The following TONSL variants were observed in gnomAD, a reference collection of about 807,000 sequenced individuals.
TONSL encodes tonsoku-like protein.
A neutral mutation model predicts 147.1 loss-of-function variants in TONSL; 112 were observed. The ratio of observed to expected loss-of-function variants is 0.76; its 90% CI spans 0.65 to 0.89. The LOEUF is 0.89. Ranked by LOEUF, TONSL falls within the 40% of genes least tolerant of loss-of-function variation. The pLI is 0.00. For synonymous variants in TONSL, 868 were observed against 801.5 expected (o/e 1.08, Z -1.40); for missense variants, 1,883 against 1,864.6 (o/e 1.01, Z -0.18).
intron 25 of TONSL, 135 bp downstream of exon 25, chr8:144,430,269 G>T: frequency 6.3e-6 from 7 of 1,109,206 alleles, no homozygotes; most frequent in Non-Finnish European, 8.6e-6. Flanking sequence ...GCCCCCTGCT[G>T]CCCCAGCCTC....
At position 144,435,485 on chromosome 8, in the gene TONSL, A is replaced by G; in HGVS notation, c.2841T>C (p.Pro947=). The change falls in exon 18 of 26, where the codon CCT becomes CCC. Residue 947 remains proline, a synonymous_variant. Coordinates refer to ENST00000409379, the MANE Select transcript of TONSL (RefSeq NM_013432.5). The stretch of plus-strand genomic sequence containing the variant: ...AGGCGATGCCTCACCTGTGTGGGAC[A>G]GGGATGAGGAAGAGATGATCCTGAA... ...VQVQDHLFLI[P]VPHSSDTHSV... is the part of the protein sequence containing the mutation. The G allele has an allele frequency of 6.5e-7, 1 of 1,548,146 alleles. No homozygotes were observed. The highest frequency in any genetic ancestry group is 1.2e-5 in the South Asian group (1 of 83,740).
In TONSL at chr8:144,441,555, G is replaced by A. The variant is rs550064216; in HGVS notation, c.866-444C>T. 3.0e-5 allele frequency: 6 copies of A among 201,084 alleles called. 1 individual carries two copies. The South Asian group carries it at 4.9e-4, about 17-fold the overall frequency. The allele number at this position is 201,084 out of a possible 1,614,324, so 12.5% of individuals were successfully genotyped here. A position where few individuals can be genotyped will look rare whatever the true frequency, so the allele number is the denominator to read the frequency against. On this transcript the variant is annotated intron_variant, in intron 7 of 25. Coordinates refer to ENST00000409379, the MANE Select transcript of TONSL (RefSeq NM_013432.5). ...TGCAGTGAGCCGAGATCATGCCACT[G>A]CACTCCAGCCTGGGTGACAGAGCGA...
chr8:144,438,524 GC>G lies in TONSL; in HGVS notation c.1599del (p.His534ThrfsTer16), dbSNP rs1489470578. The G allele has an allele frequency of 6.2e-7, 1 of 1,613,158 alleles. No homozygotes were observed. The highest frequency in any genetic ancestry group is 1.1e-5 in the South Asian group (1 of 91,086). On this transcript the variant is annotated frameshift_variant, in exon 13 of 26. Coordinates refer to ENST00000409379, the MANE Select transcript of TONSL (RefSeq NM_013432.5). LOFTEE classifies it high-confidence loss of function. ...NRRNDMGETL[L>X]HRACIEGQLR... is the part of the protein sequence containing the mutation. ...AGCTGGCCCTCGATGCAGGCTCGGT[GC>G]AGCAGGGTCTCCCCCATGTCGTTTC...
At position 144,444,215 on chromosome 8, in the gene TONSL, A is replaced by T. The variant is rs1264921244; in HGVS notation, c.86T>A (p.Leu29Gln). 1 of 1,457,630 alleles carries T rather than the reference A, an allele frequency of 6.9e-7. No homozygotes were observed. Among genetic ancestry groups the T allele is most frequent in the Non-Finnish European group, 9.0e-7 (1 of 1,108,248 alleles). The allele number at this position is 1,457,630 out of a possible 1,614,324, so 90.3% of individuals were successfully genotyped here. Residue 29 changes from leucine (L) to glutamine (Q), a missense_variant, in exon 2 of 26, where the codon CTG (leucine) becomes CAG (glutamine). Transcript: ENST00000409379. Reference sequence around the variant, plus strand: ...CAGGAGCTCCCCCAGCTGGTGGCACAGCGCGGCCTCTTCGCGCCGCTGCCC... The same window carrying T: ...CAGGAGCTCCCCCAGCTGGTGGCACTGCGCGGCCTCTTCGCGCCGCTGCCC... ...RAGQRREEAA[L>Q]CHQLGELLAG...
chr8:144,430,173 A>C (rs536898561), intron 25 of TONSL, among the ~76,000 whole-genome samples: 48 of 152,292 alleles, frequency 3.2e-4, no homozygotes, highest in African/African-American at 1.1e-3. Flanking sequence ...GTTGGGTTGG[A>C]GAGACCAGAG....
At position 144,430,490 on chromosome 8, in the gene TONSL, T is replaced by C; in HGVS notation, c.3857A>G (p.Asn1286Ser). The change falls in exon 25 of 26, where the codon AAC becomes AGC. Residue 1286 changes from asparagine to serine, a missense_variant. Asn to Ser is a conservative substitution (Grantham distance 46, BLOSUM62 1). Transcript: ENST00000409379. Reference protein sequence around the residue: ...PSLISLDLSANPEISCASLEE... With the variant: ...PSLISLDLSASPEISCASLEE... ...CAAGCTGGCACAGCTGATCTCAGGG[T>C]TGGCAGACAGATCCAGTGAGATGAG... The C allele has an allele frequency of 6.2e-7, 1 of 1,613,464 alleles. No individual in the cohort carries two copies. Among genetic ancestry groups the C allele is most frequent in the South Asian group, 1.1e-5 (1 of 90,996 alleles).
rs770974346 is a variant in TONSL, at chr8:144,438,844, G to C, written c.1481-109C>G. ...TCCCAGGTACAAAGGAGCCAGAGACGGGAGGGCTGAGCTCTGAGGCTGCTG... is the reference window on the plus strand; with the variant it reads ...TCCCAGGTACAAAGGAGCCAGAGACCGGAGGGCTGAGCTCTGAGGCTGCTG... On this transcript the variant is annotated intron_variant, in intron 11 of 25. Transcript: ENST00000409379. 3.4e-6 allele frequency: 4 copies of C among 1,185,216 alleles called. No homozygotes were observed. The South Asian group carries it at 3.9e-5, about 12-fold the overall frequency. The allele number at this position is 1,185,216 out of a possible 1,614,324, so 73.4% of individuals were successfully genotyped here. A position where few individuals can be genotyped will look rare whatever the true frequency, so the allele number is the denominator to read the frequency against.
chr8:144,438,420 A>G (rs376183399), intron 13 of TONSL, 51 bp downstream of exon 13: 2 of 1,579,924 alleles, frequency 1.3e-6, no homozygotes, highest in African/African-American at 2.7e-5. Context: ...GCACAAACGC[A>G]CAGCTCCTCC....
chr8:144,437,844 A>C (rs1823534734), intron 13 of TONSL: 1 of 155,270 alleles, frequency 6.4e-6, no homozygotes, highest in Non-Finnish European at 1.4e-5. Flanking sequence ...GACCTCAGGC[A>C]ATCCGCCCGC....
chr8:144,431,254 G>C lies in TONSL; in HGVS notation c.3736-103C>G. Reference sequence around the variant, plus strand: ...ACCCAGGGGCCCAGAAGGGAGCAGAGTCCCCCATCAAGTTGGAGATCGGAA... The same window carrying C: ...ACCCAGGGGCCCAGAAGGGAGCAGACTCCCCCATCAAGTTGGAGATCGGAA... On this transcript the variant is annotated intron_variant, in intron 23 of 25. Coordinates refer to ENST00000409379, the MANE Select transcript of TONSL (RefSeq NM_013432.5). 3 of 1,064,478 alleles carry C rather than the reference G, an allele frequency of 2.8e-6. No individual in the cohort carries two copies. In the South Asian group the frequency reaches 3.9e-5, roughly 14 times the overall value. 65.9% of individuals were successfully genotyped at this position (1,064,478 alleles called of 1,614,324 possible).
rs561555537 is a variant in TONSL at position 144,431,545 on chromosome 8, C to T, written c.3736-394G>A. Among the ~76,000 whole-genome samples, 93 of 151,852 alleles carry T rather than the reference C, an allele frequency of 6.1e-4. 3 individuals are homozygous for T. The highest frequency in any genetic ancestry group is 2.2e-3 in the African/African-American group (92 of 41,420). On this transcript the variant is annotated intron_variant, in intron 23 of 25. Coordinates refer to ENST00000409379, the MANE Select transcript of TONSL (RefSeq NM_013432.5). The stretch of plus-strand genomic sequence containing the variant: ...TTGTTTTTTTTTTGAGACAGAGTCT[C>T]GCTCTGTCGCCCAGGGTGGAGTGCG...
intron 13 of TONSL, 23 bp downstream of exon 13, chr8:144,438,448 C>T (rs1823561003): frequency 6.2e-7 from 1 of 1,609,336 alleles, no homozygotes; most frequent in Middle Eastern, 1.7e-4. Flanking sequence ...GCAGCCTGTC[C>T]CACGTCCCAG....
chr8:144,430,654 T>G, intron 24 of TONSL, 117 bp from the exon 25 acceptor site: 1 of 1,294,140 alleles, frequency 7.7e-7, no homozygotes, highest in South Asian at 1.5e-5. Context: ...ACCCAGGGGC[T>G]CTGCCTCAGC....
At position 144,433,639 on chromosome 8, in the gene TONSL, C is replaced by T. The variant is rs149645318; in HGVS notation, c.3508G>A (p.Gly1170Ser). The T allele has an allele frequency of 1.3e-4, 203 of 1,613,218 alleles. No individual in the cohort carries two copies. In the African/African-American group the frequency reaches 2.5e-3, roughly 20 times the overall value. Residue 1170 changes from glycine to serine, a missense_variant, in exon 22 of 26, where the codon GGC becomes AGC. Coordinates refer to ENST00000409379, the MANE Select transcript of TONSL (RefSeq NM_013432.5). ...TGGTGGCTCAGAAAGAAGCTGGGGC[C>T]GAAGCCACACGCCTGCAGGCGCAGG... Reference protein sequence around the residue: ...STLRLQACGFGPSFFLSHQTA... With the variant: ...STLRLQACGFSPSFFLSHQTA...
In TONSL at chr8:144,434,427, C is replaced by G. The variant is rs1197728622; in HGVS notation, c.3086-148G>C. The stretch of plus-strand genomic sequence containing the variant: ...AGCCCACTCGCACATGCCTGTGGGT[C>G]TAGCACTGTGAGGCCCTGGGGGCCG... On this transcript the variant is annotated intron_variant, in intron 20 of 25. Coordinates refer to ENST00000409379, the MANE Select transcript of TONSL (RefSeq NM_013432.5). The G allele has an allele frequency of 1.5e-5, 11 of 736,734 alleles. No individual in the cohort carries two copies. In the Admixed American group the frequency reaches 2.6e-4, roughly 18 times the overall value. 45.6% of individuals were successfully genotyped at this position (736,734 alleles called of 1,614,324 possible).
rs1823237418 is a variant in TONSL at position 144,432,295 on chromosome 8, T to A, written c.3725A>T (p.Tyr1242Phe). The A allele has an allele frequency of 6.2e-7, 1 of 1,613,672 alleles. No homozygotes were observed. Among genetic ancestry groups the A allele is most frequent in the Middle Eastern group, 1.7e-4 (1 of 6,060 alleles). Residue 1242 changes from tyrosine (Y) to phenylalanine (F), a missense_variant, in exon 23 of 26, where the codon TAC becomes TTC. By Grantham distance (22) the Tyr-to-Phe change is conservative. Transcript: ENST00000409379. Reference sequence around the variant, plus strand: ...TTCCCCACCTCGTACCTTGGCCAGGTATCGGAATACAGGCTCCATGAGGTC... The same window carrying A: ...TTCCCCACCTCGTACCTTGGCCAGGAATCGGAATACAGGCTCCATGAGGTC... ...DSDLMEPVFR[Y>F]LAKEGCALAH...
rs1275654901 is a variant in TONSL, at chr8:144,435,860, C to G, written c.2573G>C (p.Arg858Thr). 6.2e-7 allele frequency: 1 copy of G among 1,605,436 alleles called. No homozygotes were observed. The highest frequency in any genetic ancestry group is 1.3e-5 in the African/African-American group (1 of 74,466). Residue 858 changes from arginine to threonine, a missense_variant, in exon 17 of 26, where the codon AGG becomes ACG. Arg to Thr is a moderately conservative substitution (Grantham distance 71, BLOSUM62 -1). Coordinates refer to ENST00000409379, the MANE Select transcript of TONSL (RefSeq NM_013432.5). ...PRPRGTGDNRRPSSTSGSDSE... is the reference protein window; with the variant it reads ...PRPRGTGDNRTPSSTSGSDSE... ...GTCCGACCCAGAGGTACTACTGGGC[C>G]TGCGGTTGTCTCCAGTGCCCCGGGG...
At position 144,435,157 on chromosome 8, in the gene TONSL, A is replaced by G; in HGVS notation, c.2866T>C (p.Ser956Pro). The G allele has an allele frequency of 6.4e-7, 1 of 1,557,632 alleles. No homozygotes were observed. The stretch of plus-strand genomic sequence containing the variant: ...GCCTGCTCGGCCAGCCAGGCCACAG[A>G]GTGGGTGTCACTGCTGCAGGGACAG... ...IPVPHSSDTH[S>P]VAWLAEQAAQ... The change falls in exon 19 of 26, where the codon TCT (serine) becomes CCT (proline). Residue 956 changes from serine to proline, a missense_variant. By Grantham distance (74) the Ser-to-Pro change is moderately conservative. Coordinates refer to ENST00000409379, the MANE Select transcript of TONSL (RefSeq NM_013432.5).
At chr8:144,432,730 A>C (rs555791356) in intron 22 of TONSL, 32 of 370,632 alleles carry the variant, frequency 8.6e-5, no homozygotes, top group Non-Finnish European at 3.4e-5. Context: ...ATGCCTCTGC[A>C]CAGTGGGGGT....
Sources: allele counts gnomAD v4.1 joint callset (sites outside exome capture counted in the v4.1 genomes callset), GRCh38; gene constraint gnomAD v4.1.1; transcripts MANE v1.5; gene names NCBI Gene and HGNC (gene_info 2026-07-23, HGNC 2026-07-21).